The following KCNT2 variants were observed in gnomAD, a reference collection of about 807,000 sequenced individuals.
The protein encoded by KCNT2 is potassium channel subfamily T member 2.
A neutral mutation model predicts 153.8 loss-of-function variants in KCNT2; 67 were observed. The ratio of observed to expected loss-of-function variants is 0.44; its 90% CI spans 0.36 to 0.53. The LOEUF (loss-of-function observed/expected upper bound fraction) is 0.53, where lower values mean the gene tolerates loss of function less well. Ranked by LOEUF, KCNT2 falls within the 20% of genes least tolerant of loss-of-function variation. The probability of loss-of-function intolerance (pLI) is 0.00; values close to 1 mark genes in which losing one functional copy is unlikely to be tolerated. For missense variants in KCNT2, 975 were observed against 1,354.8 expected, an observed-to-expected ratio of 0.72 and a Z score of 4.40; for synonymous variants, 500 against 458.8, an observed-to-expected ratio of 1.09 and a Z score of -1.15.
rs573189152 is a variant in KCNT2 at position 196,401,428 on chromosome 1, G to C, written c.1186-2757C>G. Among the ~76,000 whole-genome samples, 147 of 151,792 alleles carry C rather than the reference G, an allele frequency of 9.7e-4. 1 individual carries two copies. Among genetic ancestry groups the C allele is most frequent in the African/African-American group, 2.0e-3 (84 of 41,468 alleles). On this transcript the variant is annotated intron_variant, in intron 12 of 27. Coordinates refer to ENST00000294725, the MANE Select transcript of KCNT2 (RefSeq NM_198503.5). ...TAGAATTAGCAGAGAAGGACTTAAA[G>C]CTGCTACTAGAACTATGATCAGTAA... is the stretch of plus-strand genomic sequence containing the variant.
intron 1 of KCNT2, among the ~76,000 whole-genome samples, chr1:196,511,190 G>C (rs1206382615): frequency 1.3e-5 from 2 of 150,608 alleles, no homozygotes; most frequent in Non-Finnish European, 3.0e-5. Context: ...TAGCAAAAAA[G>C]TAAGGGAAGT....
At chr1:196,584,170 T>TAAAATAAAATAAAATAAAAC (rs1172803919) in intron 1 of KCNT2, among the ~76,000 whole-genome samples, 1 of 149,514 alleles carries the variant, frequency 6.7e-6, no homozygotes, top group Non-Finnish European at 1.5e-5. Context: ...GGAATTAAGA[T>TAAAATAAAATAAAATAAAAC]AAAATAAAAT....
intron 8 of KCNT2, among the ~76,000 whole-genome samples, chr1:196,439,961 A>G (rs1243469816): frequency 6.6e-6 from 1 of 151,890 alleles, no homozygotes; most frequent in African/African-American, 2.4e-5. Flanking sequence ...AACCTAGATG[A>G]TGGGTTGATA....
At chr1:196,256,235 G>C (rs1438464179) in intron 26 of KCNT2, among the ~76,000 whole-genome samples, 1 of 151,616 alleles carries the variant, frequency 6.6e-6, no homozygotes, top group Non-Finnish European at 1.5e-5. Context: ...TATAAACCTG[G>C]TACCACTGAG....
intron 5 of KCNT2, among the ~76,000 whole-genome samples, chr1:196,478,828 A>T (rs1678760574): frequency 6.6e-6 from 1 of 152,222 alleles, no homozygotes; most frequent in Admixed American, 6.5e-5. Flanking sequence ...AAGATAATTT[A>T]TTAAAATAAT....
intron 1 of KCNT2, among the ~76,000 whole-genome samples, chr1:196,577,572 G>C (rs1324930686): frequency 6.6e-6 from 1 of 152,162 alleles, no homozygotes; most frequent in Non-Finnish European, 1.5e-5. Context: ...ACATATGTAT[G>C]TTAGGAAACT....
intron 12 of KCNT2, among the ~76,000 whole-genome samples, chr1:196,420,341 G>C (rs534983946): frequency 1.3e-4 from 20 of 151,824 alleles, no homozygotes; most frequent in Non-Finnish European, 2.4e-4. Flanking sequence ...GGTATTGTTT[G>C]ATTCCTCTGA....
At chr1:196,347,703 T>A (rs760384324) in intron 14 of KCNT2, among the ~76,000 whole-genome samples, 2 of 152,168 alleles carry the variant, frequency 1.3e-5, no homozygotes, top group Non-Finnish European at 2.9e-5. Context: ...TCTTTCAGGT[T>A]TCATCTGTTA....
chr1:196,301,225 A>G (rs1025177331), intron 22 of KCNT2, among the ~76,000 whole-genome samples: 1 of 152,086 alleles, frequency 6.6e-6, no homozygotes, highest in African/African-American at 2.4e-5. Context: ...CCTGAAGATC[A>G]TTTACTATGT....
At chr1:196,561,684 G>GA (rs1553254856) in intron 1 of KCNT2, among the ~76,000 whole-genome samples, 9,078 of 93,628 alleles carry the variant, frequency 0.097, 1,223 homozygotes, top group Non-Finnish European at 0.13. Flanking sequence ...AAAAGAAGAA[G>GA]AAGAAAGAAT....
intron 17 of KCNT2, among the ~76,000 whole-genome samples, chr1:196,332,377 C>G (rs533265667): frequency 3.5e-4 from 53 of 152,280 alleles, no homozygotes; most frequent in Middle Eastern, 6.8e-3. Flanking sequence ...AAACCTATCC[C>G]TGTTCCCATC....
At chr1:196,546,791 G>GA (rs1383637423) in intron 1 of KCNT2, among the ~76,000 whole-genome samples, 1 of 151,940 alleles carries the variant, frequency 6.6e-6, no homozygotes, top group African/African-American at 2.4e-5. Flanking sequence ...TATTATTGAA[G>GA]AAAATTGGAC....
chr1:196,491,267 A>G (rs1216847089), intron 2 of KCNT2, among the ~76,000 whole-genome samples: 1 of 151,970 alleles, frequency 6.6e-6, no homozygotes. Context: ...ATTCTGAACA[A>G]CCATGTTAGA....
intron 22 of KCNT2, 95 bp downstream of exon 22, chr1:196,305,139 T>G: frequency 1.4e-6 from 1 of 735,058 alleles, no homozygotes; most frequent in Non-Finnish European, 2.3e-6. Flanking sequence ...GCATTTTAGT[T>G]TTACTATCTC....
At chr1:196,495,326 G>C (rs1388407659) in intron 1 of KCNT2, among the ~76,000 whole-genome samples, 1 of 151,734 alleles carries the variant, frequency 6.6e-6, no homozygotes, top group Non-Finnish European at 1.5e-5. Context: ...TAGTGACAGC[G>C]TGTACTTTTG....
intron 8 of KCNT2, among the ~76,000 whole-genome samples, chr1:196,464,590 A>C (rs1371199126): frequency 6.6e-6 from 1 of 151,904 alleles, no homozygotes; most frequent in Non-Finnish European, 1.5e-5. Context: ...GTCACAGCAC[A>C]ATTACACATA....
chr1:196,415,444 GTTAGCTAT>G (rs1348617375), intron 12 of KCNT2, among the ~76,000 whole-genome samples: 1 of 151,626 alleles, frequency 6.6e-6, no homozygotes, highest in Admixed American at 6.6e-5. Context: ...TGCTAACATT[GTTAGCTAT>G]TTAGCATAAT....
At chr1:196,393,245 T>C (rs565868419) in intron 13 of KCNT2, among the ~76,000 whole-genome samples, 3 of 151,632 alleles carry the variant, frequency 2.0e-5, no homozygotes, top group African/African-American at 7.2e-5. Flanking sequence ...TCTTCTCATA[T>C]CTGTTCAAAT....
chr1:196,358,925 T>C (rs1572161639), intron 14 of KCNT2, among the ~76,000 whole-genome samples: 2 of 152,006 alleles, frequency 1.3e-5, no homozygotes, highest in East Asian at 3.9e-4. Flanking sequence ...ATGTGTTAAA[T>C]GGTAGGTTTT....
Sources: gnomAD v4.1 joint callset for allele counts (sites outside exome capture counted in the v4.1 genomes callset) on GRCh38, gnomAD v4.1.1 for gene constraint, MANE v1.5 for transcripts, NCBI Gene and HGNC (gene_info 2026-07-23, HGNC 2026-07-21) for gene names.